Variants in ADAMTS14 observed in about 807,000 individuals in gnomAD.
ADAMTS14 encodes the protein A disintegrin and metalloproteinase with thrombospondin motifs 14.
In ADAMTS14, 100 loss-of-function variants were observed where a neutral mutation model predicts 128.6. The ratio of observed to expected loss-of-function variants is 0.78; its 90% CI spans 0.66 to 0.92. The LOEUF (loss-of-function observed/expected upper bound fraction) is 0.92. Among genes scored for constraint, ADAMTS14 ranks in the 40% least tolerant of loss-of-function variants. ADAMTS14 has a pLI of 0.00. For synonymous variants in ADAMTS14, 665 were observed against 653.8 expected (o/e 1.02, Z -0.26); for missense variants, 1,562 against 1,658.6 (o/e 0.94, Z 1.01).
At position 70,753,809 on chromosome 10, in the gene ADAMTS14, G is replaced by T; in HGVS notation, c.2739G>T (p.Thr913=). Reference sequence around the variant, plus strand: ...TTCACCCTGTTTCCAGGTGGGTGACGGAGGAGTGGGGTGCCTGCAGCCGGA... The same window carrying T: ...TTCACCCTGTTTCCAGGTGGGTGACTGAGGAGTGGGGTGCCTGCAGCCGGA... ...QHPCSQPVWV[T]EEWGACSRSC... is the part of the protein sequence containing the mutation. Residue 913 remains threonine (T), a synonymous_variant, in exon 19 of 22, where the codon ACG becomes ACT. Transcript: ENST00000373207. 6.3e-7 allele frequency: 1 copy of T among 1,579,312 alleles called. No individual in the cohort carries two copies. Among genetic ancestry groups the T allele is most frequent in the Non-Finnish European group, 8.6e-7 (1 of 1,162,452 alleles).
intron 4 of ADAMTS14, among the ~76,000 whole-genome samples, chr10:70,709,252 C>T (rs764723994): frequency 2.0e-5 from 3 of 152,236 alleles, no homozygotes; most frequent in East Asian, 3.9e-4. Flanking sequence ...GAGACCCTGA[C>T]GTTGGCCCTG....
chr10:70,758,902 G>T (rs371250272), intron 21 of ADAMTS14, among the ~76,000 whole-genome samples: 1 of 152,256 alleles, frequency 6.6e-6, no homozygotes, highest in South Asian at 2.1e-4. Flanking sequence ...CTACGTGCCA[G>T]GCTGTAGATT....
intron 2 of ADAMTS14, among the ~76,000 whole-genome samples, chr10:70,677,441 G>T (rs1839679336): frequency 6.6e-6 from 1 of 152,156 alleles, no homozygotes; most frequent in Admixed American, 6.5e-5. Context: ...TTCCCTGGAA[G>T]ATGGGAATCG....
In ADAMTS14 at chr10:70,732,326, C is replaced by T. The variant is rs2132676924; in HGVS notation, c.1175C>T (p.Ser392Leu). 6.2e-7 allele frequency: 1 copy of T among 1,614,184 alleles called. No homozygotes were observed. Among genetic ancestry groups the T allele is most frequent in the East Asian group, 2.2e-5 (1 of 44,882 alleles). Reference sequence around the variant, plus strand: ...CTCAACCATGAGGATGGCTTCTCCTCAGCCTTCGTGATAGCTCATGAGACC... The same window carrying T: ...CTCAACCATGAGGATGGCTTCTCCTTAGCCTTCGTGATAGCTCATGAGACC... ...CALNHEDGFS[S>L]AFVIAHETGH... The change falls in exon 7 of 22, where the codon TCA becomes TTA. Residue 392 changes from serine (S) to leucine (L), a missense_variant. By Grantham distance (145) the Ser-to-Leu change is moderately radical (BLOSUM62 -2). Transcript: ENST00000373207.
At chr10:70,696,834 G>T (rs759594021) in intron 2 of ADAMTS14, among the ~76,000 whole-genome samples, 1 of 152,212 alleles carries the variant, frequency 6.6e-6, no homozygotes, top group Non-Finnish European at 1.5e-5. Context: ...GCTGGCAGTG[G>T]CTGGGAACAG....
chr10:70,751,684 A>G, intron 17 of ADAMTS14, 38 bp downstream of exon 17: 1 of 1,591,828 alleles, frequency 6.3e-7, no homozygotes, highest in African/African-American at 1.3e-5. Context: ...TTGTTGGGGC[A>G]GCCCAGGATC....
In ADAMTS14 at chr10:70,751,506, G is replaced by A. The variant is rs146105188; in HGVS notation, c.2456G>A (p.Arg819His). 7.2e-5 allele frequency: 116 copies of A among 1,609,966 alleles called. 1 individual carries two copies. In the African/African-American group the frequency reaches 1.3e-3, roughly 17 times the overall value. ...LALPPTEGGP[R>H]SSLAYKYVIH... ...CTCCCCCCAACTGAGGGTGGCCCCC[G>A]CAGCAGCCTGGCCTACAAGTACGTC... is the stretch of plus-strand genomic sequence containing the variant. Residue 819 changes from arginine to histidine, a missense_variant, in exon 17 of 22, where the codon CGC (arginine) becomes CAC (histidine). Physicochemically the swap from Arg to His is conservative, Grantham distance 29. Transcript: ENST00000373207.
Position 70,733,888 on chromosome 10 carries a change from C to G in ADAMTS14, c.1212C>G (p.Leu404=). The G allele has an allele frequency of 6.2e-7, 1 of 1,611,422 alleles. No homozygotes were observed. Among genetic ancestry groups the G allele is most frequent in the South Asian group, 1.1e-5 (1 of 90,900 alleles). ...TCCTCTGTCTTCCCCATTCCAGGCT[C>G]GGCATGGAGCATGACGGTCAGGGGA... is the stretch of plus-strand genomic sequence containing the variant. The part of the protein sequence containing the change: ...FVIAHETGHV[L]GMEHDGQGNG... Residue 404 remains leucine, a synonymous_variant, in exon 8 of 22, where the codon CTC becomes CTG. Transcript: ENST00000373207.
intron 16 of ADAMTS14, 88 bp downstream of exon 16, chr10:70,750,073 C>T: frequency 6.5e-7 from 1 of 1,532,530 alleles, no homozygotes; most frequent in Non-Finnish European, 8.8e-7. Flanking sequence ...AGCGTGACAC[C>T]ATTCTGGTGT....
In ADAMTS14 at chr10:70,743,673, G is replaced by T; in HGVS notation, c.2050G>T (p.Glu684Ter). ...RDPYSVCARG[E>*]CVPVGCDKEV... ...CCCATACAGCGTCTGTGCGCGTGGC[G>T]AGTGTGTGGTGGGTGCACCCCCAGC... Residue 684 changes from glutamate to a stop codon, truncating the protein, a stop_gained, in exon 13 of 22, where the codon GAG becomes TAG. Coordinates refer to ENST00000373207, the MANE Select transcript of ADAMTS14 (RefSeq NM_080722.4). LOFTEE classifies it high-confidence loss of function. 6.3e-7 allele frequency: 1 copy of T among 1,594,760 alleles called. No homozygotes were observed. The highest frequency in any genetic ancestry group is 8.6e-7 in the Non-Finnish European group (1 of 1,169,428).
intron 2 of ADAMTS14, among the ~76,000 whole-genome samples, chr10:70,682,385 G>T (rs542052080): frequency 6.6e-6 from 1 of 152,302 alleles, no homozygotes; most frequent in Admixed American, 6.5e-5. Context: ...ACCCAGCAAG[G>T]CTGTTAGCTG....
chr10:70,743,585 C>T lies in ADAMTS14; in HGVS notation c.1962C>T (p.Asp654=). Residue 654 remains aspartate, a synonymous_variant, in exon 13 of 22, where the codon GAC becomes GAT. Coordinates refer to ENST00000373207, the MANE Select transcript of ADAMTS14 (RefSeq NM_080722.4). ...QKCELICQSA[D]TGDVVFMNQV... is the part of the protein sequence containing the mutation. Reference sequence around the variant, plus strand: ...GTGAGCTGATCTGCCAGTCGGCGGACACGGGGGACGTGGTGTTCATGAACC... The same window carrying T: ...GTGAGCTGATCTGCCAGTCGGCGGATACGGGGGACGTGGTGTTCATGAACC... The T allele has an allele frequency of 6.2e-7, 1 of 1,613,060 alleles. No homozygotes were observed. Among genetic ancestry groups the T allele is most frequent in the Non-Finnish European group, 8.5e-7 (1 of 1,179,744 alleles).
Position 70,754,166 on chromosome 10 carries a change from C to T in ADAMTS14, c.2937+159C>T, listed in dbSNP as rs531143413. On this transcript the variant is annotated intron_variant, in intron 19 of 21. Transcript: ENST00000373207. ...AGAATAGCTCCTACGTACCCTGGGC[C>T]GTGGCTCTGTGCTAGGCCTTTAGGT... Among the ~76,000 whole-genome samples the T allele has an allele frequency of 2.4e-4, 37 of 152,312 alleles. 1 individual carries two copies. Among genetic ancestry groups the T allele is most frequent in the African/African-American group, 8.4e-4 (35 of 41,562 alleles).
chr10:70,717,558 C>A (rs1338709169), intron 4 of ADAMTS14, among the ~76,000 whole-genome samples: 1 of 152,104 alleles, frequency 6.6e-6, no homozygotes, highest in Admixed American at 6.5e-5. Context: ...TGGTGGCATC[C>A]AAGGTGGATC....
intron 2 of ADAMTS14, 114 bp from the exon 3 acceptor site, chr10:70,702,198 C>T: frequency 2.7e-6 from 4 of 1,455,328 alleles, no homozygotes; most frequent in Non-Finnish European, 2.8e-6. Flanking sequence ...GGAGGAAGAG[C>T]CTGCAAGCAT....
chr10:70,682,937 C>T (rs1157132463), intron 2 of ADAMTS14, among the ~76,000 whole-genome samples: 1 of 152,256 alleles, frequency 6.6e-6, no homozygotes, highest in Non-Finnish European at 1.5e-5. Context: ...AGCACTGGGC[C>T]TGCCGGACAA....
chr10:70,751,769 G>GA, intron 17 of ADAMTS14, 123 bp downstream of exon 17: 1 of 1,339,532 alleles, frequency 7.5e-7, no homozygotes, highest in Admixed American at 2.2e-5. Context: ...GTTTCTCCTT[G>GA]AAGATCTCCA....
intron 15 of ADAMTS14, among the ~76,000 whole-genome samples, chr10:70,746,494 C>T (rs182526015): frequency 6.6e-6 from 1 of 152,236 alleles, no homozygotes; most frequent in African/African-American, 2.4e-5. Context: ...TGGAATTAGA[C>T]AGTGGCAATG....
Position 70,743,599 on chromosome 10 carries a change from T to C in ADAMTS14, c.1976T>C (p.Val659Ala). 7 of 1,613,090 alleles carry C rather than the reference T, an allele frequency of 4.3e-6. No homozygotes were observed. Among genetic ancestry groups the C allele is most frequent in the Non-Finnish European group, 5.9e-6 (7 of 1,179,780 alleles). ...CAGTCGGCGGACACGGGGGACGTGG[T>C]GTTCATGAACCAGGTGGTTCACGAT... ...ICQSADTGDV[V>A]FMNQVVHDGT... The change falls in exon 13 of 22, where the codon GTG becomes GCG. Residue 659 changes from valine (V) to alanine (A), a missense_variant. By Grantham distance (64) the Val-to-Ala change is moderately conservative (BLOSUM62 0). Coordinates refer to ENST00000373207, the MANE Select transcript of ADAMTS14 (RefSeq NM_080722.4).
Sources: allele counts gnomAD v4.1 joint callset (sites outside exome capture counted in the v4.1 genomes callset), GRCh38; gene constraint gnomAD v4.1.1; transcripts MANE v1.5; gene names NCBI Gene and HGNC (gene_info 2026-07-23, HGNC 2026-07-21).